Variants in PIK3R1 observed in about 807,000 individuals in gnomAD.
PIK3R1 encodes phosphoinositide-3-kinase regulatory subunit 1.
PIK3R1 carries 29 observed loss-of-function variants against 98.0 expected under a neutral mutation model. That is an observed-to-expected ratio of 0.30 (90% confidence interval 0.22 to 0.40). The LOEUF (loss-of-function observed/expected upper bound fraction) is 0.40. Ranked by LOEUF, PIK3R1 falls within the 10% of genes least tolerant of loss-of-function variation. The probability of loss-of-function intolerance (pLI) is 1.00; values close to 1 mark genes in which losing one functional copy is unlikely to be tolerated. For missense variants in PIK3R1, 596 were observed against 872.7 expected (o/e 0.68, Z 3.99); for synonymous variants, 282 against 311.8 (o/e 0.90, Z 1.01).
intron 4 of PIK3R1, among the ~76,000 whole-genome samples, chr5:68,278,346 T>A (rs534812745): frequency 2.6e-5 from 4 of 152,208 alleles, no homozygotes; most frequent in Non-Finnish European, 5.9e-5. Context: ...TTTTCATGGA[T>A]ATTCTTGAGA....
Position 68,289,759 on chromosome 5 carries a change from C to CAA in PIK3R1, c.917-2474_917-2473dup, listed in dbSNP as rs71305021. 5.7e-3 allele frequency among the ~76,000 whole-genome samples: 295 copies of CAA among 51,882 alleles called. 31 individuals carry two copies. Among genetic ancestry groups the CAA allele is most frequent in the African/African-American group, 0.013 (209 of 16,172 alleles). 34.0% of individuals were successfully genotyped at this position (51,882 alleles called of 152,430 possible). ...GGCATTTGAGATAGAGGGGGAAAAG[C>CAA]AAAAAAAAAAAAAAAAAAAAAAAAA... is the stretch of plus-strand genomic sequence containing the variant. On this transcript the variant is annotated intron_variant, in intron 7 of 15. Coordinates refer to ENST00000521381, the MANE Select transcript of PIK3R1 (RefSeq NM_181523.3).
chr5:68,277,688 C>T (rs1314036909), intron 4 of PIK3R1, among the ~76,000 whole-genome samples: 4 of 152,194 alleles, frequency 2.6e-5, no homozygotes, highest in African/African-American at 9.6e-5. Flanking sequence ...TACTCAAACA[C>T]TTTGCAGTAA....
intron 2 of PIK3R1, among the ~76,000 whole-genome samples, chr5:68,270,116 C>T (rs976571897): frequency 6.6e-6 from 1 of 151,884 alleles, no homozygotes; most frequent in Non-Finnish European, 1.5e-5. Flanking sequence ...TTCCAGTGTT[C>T]TCACAGATCC....
intron 2 of PIK3R1, among the ~76,000 whole-genome samples, chr5:68,260,960 A>G (rs973053370): frequency 1.3e-5 from 2 of 152,224 alleles, no homozygotes; most frequent in Non-Finnish European, 2.9e-5. Flanking sequence ...CCAAAACACT[A>G]TTTTAAACCA....
At chr5:68,288,768 T>C (rs375570042) in intron 7 of PIK3R1, 57 of 1,612,134 alleles carry the variant, frequency 3.5e-5, no homozygotes, top group Non-Finnish European at 4.8e-5. Context: ...TGCCTTGAAT[T>C]TGTGCACTTC....
At chr5:68,276,222 C>T (rs547946065) in intron 4 of PIK3R1, among the ~76,000 whole-genome samples, 1 of 152,198 alleles carries the variant, frequency 6.6e-6, no homozygotes, top group Non-Finnish European at 1.5e-5. Flanking sequence ...ACATTTTAGG[C>T]TGGATAATTC....
chr5:68,295,179 C>A lies in PIK3R1; in HGVS notation c.1600C>A (p.Arg534=), dbSNP rs1747639229. The A allele has an allele frequency of 2.5e-6, 4 of 1,613,752 alleles. No individual in the cohort carries two copies. The highest frequency in any genetic ancestry group is 1.7e-6 in the Non-Finnish European group (2 of 1,179,808). ...IMHNYDKLKS[R]ISEIIDSRRR... ...GCATAATTATGATAAGTTGAAGTCT[C>A]GAATCAGTGAAATTATTGACAGTAG... The change falls in exon 13 of 16, where the codon CGA becomes AGA. Residue 534 remains arginine, a synonymous_variant. Transcript: ENST00000521381.
Position 68,301,390 on chromosome 5 carries a change from G to GTATATA in PIK3R1, c.*3790_*3791insATATAT, listed in dbSNP as rs1748057137. The GTATATA allele has an allele frequency of 2.8e-5, 1 of 35,562 alleles. No individual in the cohort carries two copies. Among genetic ancestry groups the GTATATA allele is most frequent in the African/African-American group, 1.1e-4 (1 of 9,376 alleles). 2.2% of individuals were successfully genotyped at this position (35,562 alleles called of 1,614,324 possible). ...TATGTGTGTGTGTGTGTGTGTGTGTGTGTATATATATATATATATATATAT... is the reference window on the plus strand; with the variant it reads ...TATGTGTGTGTGTGTGTGTGTGTGTGTATATATGTATATATATATATATATATATAT... On this transcript the variant is annotated 3_prime_UTR_variant, in exon 16 of 16. Transcript: ENST00000521381.
chr5:68,243,795 C>A (rs1207668025), intron 2 of PIK3R1, among the ~76,000 whole-genome samples: 1 of 152,130 alleles, frequency 6.6e-6, no homozygotes, highest in East Asian at 1.9e-4. Flanking sequence ...GAATAGTCTG[C>A]CATGAAATGA....
At chr5:68,270,569 G>A (rs1580230795) in intron 2 of PIK3R1, among the ~76,000 whole-genome samples, 1 of 152,090 alleles carries the variant, frequency 6.6e-6, no homozygotes, top group Admixed American at 6.6e-5. Flanking sequence ...TATGAGAAAA[G>A]GGGAAGAGGA....
chr5:68,285,873 A>G (rs1293297359), intron 7 of PIK3R1, among the ~76,000 whole-genome samples: 1 of 152,192 alleles, frequency 6.6e-6, no homozygotes, highest in African/African-American at 2.4e-5. Flanking sequence ...GAATTACCCT[A>G]AAAGGCCCTC....
chr5:68,263,154 T>C (rs1478116307), intron 2 of PIK3R1, among the ~76,000 whole-genome samples: 2 of 145,622 alleles, frequency 1.4e-5, no homozygotes, highest in African/African-American at 5.0e-5. Flanking sequence ...TTTATATATG[T>C]ACATATATCT....
At chr5:68,294,977 A>G (rs958818993) in intron 12 of PIK3R1, among the ~76,000 whole-genome samples, 171 bp from the exon 13 acceptor site, 2 of 150,778 alleles carry the variant, frequency 1.3e-5, no homozygotes, top group Non-Finnish European at 2.9e-5. Flanking sequence ...AAAAAAATAA[A>G]ATAAAATAAA....
Position 68,273,957 on chromosome 5 carries a change from T to C in PIK3R1, c.446T>C (p.Leu149Pro), listed in dbSNP as rs1350040171. 6.2e-7 allele frequency: 1 copy of C among 1,613,852 alleles called. No homozygotes were observed. Among genetic ancestry groups the C allele is most frequent in the South Asian group, 1.1e-5 (1 of 91,082 alleles). ...IEKKGLECST[L>P]YRTQSSSNLA... is the part of the protein sequence containing the mutation. ...GTCCTAGGTCTGGAATGTTCAACTC[T>C]ATACAGAACACAGAGCTCCAGCAAC... Residue 149 changes from leucine (L) to proline (P), a missense_variant, in exon 4 of 16, where the codon CTA (leucine) becomes CCA (proline). Physicochemically the swap from Leu to Pro is moderately conservative, Grantham distance 98. This residue lies in a region of PIK3R1 where 352 missense variants were observed against 393.3 expected (regional missense o/e 0.90). Coordinates refer to ENST00000521381, the MANE Select transcript of PIK3R1 (RefSeq NM_181523.3).
intron 2 of PIK3R1, among the ~76,000 whole-genome samples, chr5:68,252,350 G>A (rs1382780448): frequency 7.0e-6 from 1 of 142,536 alleles, no homozygotes; most frequent in Non-Finnish European, 1.5e-5. Context: ...AAAGCTTGTT[G>A]CTGGTGAGAT....
Position 68,254,742 on chromosome 5 carries a change from A to T in PIK3R1, c.335-18648A>T, listed in dbSNP as rs193049843. On this transcript the variant is annotated intron_variant, in intron 2 of 15. Transcript: ENST00000521381. ...AAGACACTCTTGGAAATGCTTAGTT[A>T]TGGTTCATACCCATAATCGTGTTTC... Among the ~76,000 whole-genome samples the T allele has an allele frequency of 2.3e-3, 355 of 152,276 alleles. 3 individuals are homozygous for T. Among genetic ancestry groups the T allele is most frequent in the African/African-American group, 8.4e-3 (348 of 41,544 alleles).
At chr5:68,226,186 C>T (rs1744270582) in intron 1 of PIK3R1, 104 bp from the exon 2 acceptor site, 1 of 364,652 alleles carries the variant, frequency 2.7e-6, no homozygotes, top group Non-Finnish European at 4.9e-6. Flanking sequence ...CTGTGTCTGT[C>T]TGCCAAATCG....
At chr5:68,285,361 A>C (rs543800020) in intron 7 of PIK3R1, among the ~76,000 whole-genome samples, 1 of 152,348 alleles carries the variant, frequency 6.6e-6, no homozygotes, top group East Asian at 1.9e-4. Flanking sequence ...CTCAACCCAG[A>C]CTAAAGGCAA....
chr5:68,288,905 G>A (rs547234438), intron 7 of PIK3R1, among the ~76,000 whole-genome samples: 53 of 152,246 alleles, frequency 3.5e-4, no homozygotes, highest in African/African-American at 1.2e-3. Flanking sequence ...CCCTGTCCTC[G>A]AGGGGGACAG....
Sources: allele counts gnomAD v4.1 joint callset (sites outside exome capture counted in the v4.1 genomes callset), GRCh38; gene constraint gnomAD v4.1.1; regional missense constraint gnomAD v4.1.1; transcripts MANE v1.5; gene names NCBI Gene and HGNC (gene_info 2026-07-23, HGNC 2026-07-21).